Variants in PUM3 observed in about 807,000 individuals in gnomAD.
The protein encoded by PUM3 is pumilio homolog 3.
Under a neutral mutation model 84.0 loss-of-function variants are expected in PUM3, and 91 were observed. The observed-to-expected ratio is 1.08, with a 90% CI of 0.91 to 1.29. PUM3 has a LOEUF of 1.29. Ranked by LOEUF, PUM3 falls within the 50% of genes most tolerant of loss-of-function variation. The pLI is 0.00. For missense variants in PUM3, 1,067 were observed against 767.5 expected, an observed-to-expected ratio of 1.39 and a Z score of -4.61; for synonymous variants, 321 against 266.7, an observed-to-expected ratio of 1.20 and a Z score of -1.98.
Position 2,837,296 on chromosome 9 carries a change from T to C in PUM3, c.188A>G (p.Lys63Arg), listed in dbSNP as rs750097840. 8 of 1,612,324 alleles carry C rather than the reference T, an allele frequency of 5.0e-6. No individual in the cohort carries two copies. The highest frequency in any genetic ancestry group is 6.8e-6 in the Non-Finnish European group (8 of 1,178,492). ...CTTATTCTTGAACTGCTTTACACCC[T>C]TTTTCCCAAGTTTTGTGATACTTTT... Reference protein sequence around the residue: ...FEKSITKLGKKGVKQFKNKQQ... With the variant: ...FEKSITKLGKRGVKQFKNKQQ... Residue 63 changes from lysine to arginine, a missense_variant, in exon 3 of 18, where the codon AAG becomes AGG. Lys to Arg is a conservative substitution (Grantham distance 26). Coordinates refer to ENST00000397885, the MANE Select transcript of PUM3 (RefSeq NM_014878.5).
rs1215877132 is a variant in PUM3 at position 2,838,345 on chromosome 9, G to A, written c.82+81C>T. The A allele has an allele frequency of 4.4e-6, 4 of 913,860 alleles. No homozygotes were observed. The East Asian group carries it at 7.2e-5, about 16-fold the overall frequency. The allele number at this position is 913,860 out of a possible 1,614,324, so 56.6% of individuals were successfully genotyped here. On this transcript the variant is annotated intron_variant, in intron 2 of 17. Coordinates refer to ENST00000397885, the MANE Select transcript of PUM3 (RefSeq NM_014878.5). ...TATTTTAATCCTAATCCTAGCCAATGAATACAGATTGAAATTTACTACATG... is the reference window on the plus strand; with the variant it reads ...TATTTTAATCCTAATCCTAGCCAATAAATACAGATTGAAATTTACTACATG...
At chr9:2,817,421 G>A (rs1045060668) in intron 13 of PUM3, among the ~76,000 whole-genome samples, 1 of 152,054 alleles carries the variant, frequency 6.6e-6, no homozygotes, top group Non-Finnish European at 1.5e-5. Flanking sequence ...ATACATGATA[G>A]GACCATATAT....
At chr9:2,835,958 A>T (rs1023408993) in intron 3 of PUM3, among the ~76,000 whole-genome samples, 5 of 152,218 alleles carry the variant, frequency 3.3e-5, no homozygotes, top group Non-Finnish European at 7.3e-5. Context: ...AGAGAAAGAA[A>T]GATTTGGGAT....
chr9:2,839,181 C>A (rs1395195100), intron 1 of PUM3, among the ~76,000 whole-genome samples: 2 of 152,150 alleles, frequency 1.3e-5, no homozygotes, highest in African/African-American at 4.8e-5. Flanking sequence ...CCATGGTGCA[C>A]AGGATAAACA....
rs1458075803 is a variant in PUM3, at chr9:2,837,292, A to G, written c.192T>C (p.Gly64=). 2 of 1,613,948 alleles carry G rather than the reference A, an allele frequency of 1.2e-6. No individual in the cohort carries two copies. Among genetic ancestry groups the G allele is most frequent in the East Asian group, 2.2e-5 (1 of 44,868 alleles). The change falls in exon 3 of 18, where the codon GGT becomes GGC. Residue 64 remains glycine, a synonymous_variant. Coordinates refer to ENST00000397885, the MANE Select transcript of PUM3 (RefSeq NM_014878.5). ...EKSITKLGKK[G]VKQFKNKQQG... is the part of the protein sequence containing the mutation. ...GCTGCTTATTCTTGAACTGCTTTAC[A>G]CCCTTTTTCCCAAGTTTTGTGATAC...
At chr9:2,835,261 T>A (rs1022603957) in intron 3 of PUM3, among the ~76,000 whole-genome samples, 8 of 151,992 alleles carry the variant, frequency 5.3e-5, no homozygotes, top group African/African-American at 1.9e-4. Context: ...AAAAATTAAA[T>A]TAAAAAATTA....
At chr9:2,822,161 T>C (rs553269014) in intron 12 of PUM3, among the ~76,000 whole-genome samples, 2 of 152,216 alleles carry the variant, frequency 1.3e-5, no homozygotes, top group South Asian at 4.1e-4. Context: ...ACAAGTATAG[T>C]TGGAAATTTT....
chr9:2,823,649 T>C (rs1457346825), intron 12 of PUM3, 132 bp downstream of exon 12: 4 of 470,290 alleles, frequency 8.5e-6, no homozygotes, highest in African/African-American at 2.0e-5. Context: ...TACATGTAGA[T>C]GCAAAGAAAA....
intron 13 of PUM3, among the ~76,000 whole-genome samples, chr9:2,816,632 A>G (rs1376907116): frequency 3.9e-5 from 6 of 152,072 alleles, no homozygotes; most frequent in South Asian, 2.1e-4. Context: ...TGCTCTCGCC[A>G]TTTCCTACAG....
At chr9:2,810,569 CT>C (rs1821346122) in intron 15 of PUM3, 138 bp from the exon 16 acceptor site, 1 of 599,476 alleles carries the variant, frequency 1.7e-6, no homozygotes, top group Admixed American at 3.2e-5. Flanking sequence ...CTTAAGAGGT[CT>C]TTATCTAGGA....
chr9:2,811,666 G>T, intron 14 of PUM3, 83 bp from the exon 15 acceptor site: 2 of 922,076 alleles, frequency 2.2e-6, no homozygotes, highest in Non-Finnish European at 3.4e-6. Context: ...ACCTCTAAGA[G>T]CTTATCACAG....
In PUM3 at chr9:2,831,271, T is replaced by A. The variant is rs761095889; in HGVS notation, c.590A>T (p.Gln197Leu). Residue 197 changes from glutamine to leucine, a missense_variant, in exon 6 of 18, where the codon CAG becomes CTG. Gln to Leu is a moderately radical substitution (Grantham distance 113). Transcript: ENST00000397885. ...AATACCTCGCAATTCTTCAAAAGCC[T>A]GTTTTCTCTGTTCTTCATTACCATA... is the stretch of plus-strand genomic sequence containing the variant. ...IQYGNEEQRK[Q>L]AFEELRDDLV... 1 of 1,603,614 alleles carries A rather than the reference T, an allele frequency of 6.2e-7. No homozygotes were observed. Among genetic ancestry groups the A allele is most frequent in the African/African-American group, 1.3e-5 (1 of 74,596 alleles).
In PUM3 at chr9:2,811,382, A is replaced by G. The variant is rs771411674; in HGVS notation, c.1614T>C (p.His538=). The part of the protein sequence containing the change: ...AIASLAATGL[H]PGGKDGELHI... Reference sequence around the variant, plus strand: ...TTACCTCTCCGTCCTTGCCACCAGGATGCAGTCCTGTTGCTGCCAAGCTGG... The same window carrying G: ...TTACCTCTCCGTCCTTGCCACCAGGGTGCAGTCCTGTTGCTGCCAAGCTGG... Residue 538 remains histidine, a synonymous_variant, in exon 15 of 18, where the codon CAT becomes CAC. Transcript: ENST00000397885. 2.3e-5 allele frequency: 37 copies of G among 1,613,956 alleles called. No individual in the cohort carries two copies. The South Asian group carries it at 4.0e-4, about 17-fold the overall frequency.
At chr9:2,811,324 T>C (rs764754317) in intron 15 of PUM3, 37 bp downstream of exon 15, 11 of 1,600,230 alleles carry the variant, frequency 6.9e-6, no homozygotes, top group South Asian at 6.6e-5. Flanking sequence ...TTTGTGGCCT[T>C]TGCAGCTTTC....
intron 9 of PUM3, among the ~76,000 whole-genome samples, chr9:2,827,901 G>C (rs561335709): frequency 4.9e-4 from 75 of 152,328 alleles, no homozygotes; most frequent in South Asian, 1.9e-3. Flanking sequence ...ATTGCAGTTA[G>C]TAATAGTTGG....
At position 2,811,676 on chromosome 9, in the gene PUM3, G is replaced by C. The variant is rs1821377773; in HGVS notation, c.1413-93C>G. On this transcript the variant is annotated intron_variant, in intron 14 of 17. Transcript: ENST00000397885. ...CAAAAACCTCTAAGAGCTTATCACA[G>C]ACTGTATCGCACTCTATTATTATTG... The C allele has an allele frequency of 4.9e-6, 4 of 812,172 alleles. No homozygotes were observed. The East Asian group carries it at 7.5e-5, about 15-fold the overall frequency. 50.3% of individuals were successfully genotyped at this position (812,172 alleles called of 1,614,324 possible).
At chr9:2,818,142 A>G (rs1051688519) in intron 13 of PUM3, among the ~76,000 whole-genome samples, 1 of 152,246 alleles carries the variant, frequency 6.6e-6, no homozygotes, top group Non-Finnish European at 1.5e-5. Flanking sequence ...GCATACTGCA[A>G]CTGTTTTTGT....
At chr9:2,827,853 T>C (rs775330244) in intron 9 of PUM3, among the ~76,000 whole-genome samples, 2 of 152,140 alleles carry the variant, frequency 1.3e-5, no homozygotes, top group African/African-American at 2.4e-5. Context: ...ATTTTACAAA[T>C]ATGGTAATTG....
intron 7 of PUM3, among the ~76,000 whole-genome samples, chr9:2,830,235 A>C (rs1011067677): frequency 2.0e-5 from 3 of 152,260 alleles, no homozygotes; most frequent in African/African-American, 7.2e-5. Flanking sequence ...GATGGGACTT[A>C]ATCACAAGTA....
Sources: gnomAD v4.1 joint callset for allele counts (sites outside exome capture counted in the v4.1 genomes callset) on GRCh38, gnomAD v4.1.1 for gene constraint, MANE v1.5 for transcripts, NCBI Gene and HGNC (gene_info 2026-07-23, HGNC 2026-07-21) for gene names.